Variants in ZC3H6 observed in about 807,000 individuals in gnomAD.
The protein encoded by ZC3H6 is zinc finger CCCH domain-containing protein 6.
A neutral mutation model predicts 107.7 loss-of-function variants in ZC3H6; 40 were observed. The observed-to-expected ratio is 0.37, with a 90% confidence interval of 0.29 to 0.48. The LOEUF is 0.48. ZC3H6 is among the 20% of genes least tolerant of loss of function. The pLI is 0.98. For synonymous variants in ZC3H6, 493 were observed against 487.9 expected (o/e 1.01, Z -0.14); for missense variants, 1,267 against 1,410.4 (o/e 0.90, Z 1.63).
chr2:112,312,460 A>G (rs772364868), intron 5 of ZC3H6, among the ~76,000 whole-genome samples: 10 of 152,236 alleles, frequency 6.6e-5, no homozygotes, highest in Non-Finnish European at 1.0e-4. Flanking sequence ...CTGAACATGA[A>G]CTTTTAACCT....
chr2:112,330,305 G>A (rs992321254), intron 11 of ZC3H6, among the ~76,000 whole-genome samples: 12 of 152,108 alleles, frequency 7.9e-5, no homozygotes, highest in Middle Eastern at 3.4e-3. Flanking sequence ...CGCCCACCTC[G>A]GCCTCCCAAA....
chr2:112,276,014 C>T lies in ZC3H6; in HGVS notation c.20C>T (p.Ala7Val). MTDSEH[A>V]GHDREDGELE... ...CCAAACATGACAGACTCTGAACATGCAGGGCACGACAGGTCGGGAACCCTT... is the reference window on the plus strand; with the variant it reads ...CCAAACATGACAGACTCTGAACATGTAGGGCACGACAGGTCGGGAACCCTT... Residue 7 changes from alanine to valine, a missense_variant, in exon 1 of 12, where the codon GCA (alanine) becomes GTA (valine). Transcript: ENST00000409871. The T allele has an allele frequency of 1.3e-6, 2 of 1,541,020 alleles. No homozygotes were observed. Among genetic ancestry groups the T allele is most frequent in the Non-Finnish European group, 1.7e-6 (2 of 1,142,972 alleles).
Position 112,315,242 on chromosome 2 carries a change from GTTAC to G in ZC3H6, c.748-1224_748-1221del, listed in dbSNP as rs368395810. Among the ~76,000 whole-genome samples, 360 of 152,242 alleles carry G rather than the reference GTTAC, an allele frequency of 2.4e-3. 8 individuals carry two copies. Among genetic ancestry groups the G allele is most frequent in the East Asian group, 4.4e-3 (23 of 5,188 alleles). On this transcript the variant is annotated intron_variant, in intron 5 of 11. Coordinates refer to ENST00000409871, the MANE Select transcript of ZC3H6 (RefSeq NM_198581.3). ...ATGGCTAAGCATCATACTCTGCCTT[GTTAC>G]TTAATCTTATACTTAAAGCAGAAGT...
chr2:112,311,460 C>G (rs1355793521), intron 4 of ZC3H6, among the ~76,000 whole-genome samples: 1 of 152,090 alleles, frequency 6.6e-6, no homozygotes, highest in Non-Finnish European at 1.5e-5. Context: ...CCACTGATAC[C>G]TACAATGTCT....
intron 1 of ZC3H6, among the ~76,000 whole-genome samples, chr2:112,290,402 G>A (rs1676088678): frequency 6.6e-6 from 1 of 152,242 alleles, no homozygotes; most frequent in Non-Finnish European, 1.5e-5. Context: ...GACTTCCTCA[G>A]GGAAAGCCTT....
chr2:112,291,809 C>G (rs1212983441), intron 1 of ZC3H6, among the ~76,000 whole-genome samples: 4 of 152,136 alleles, frequency 2.6e-5, no homozygotes, highest in Non-Finnish European at 4.4e-5. Context: ...ACCTCCGCCT[C>G]CCAGGTTCAA....
At chr2:112,284,682 A>G (rs1188406759) in intron 1 of ZC3H6, among the ~76,000 whole-genome samples, 1 of 152,086 alleles carries the variant, frequency 6.6e-6, no homozygotes, top group African/African-American at 2.4e-5. Context: ...TTCTTCCTCT[A>G]ACGTCTTTAT....
chr2:112,286,981 G>A (rs911849198), intron 1 of ZC3H6, among the ~76,000 whole-genome samples: 5 of 152,108 alleles, frequency 3.3e-5, no homozygotes, highest in African/African-American at 1.2e-4. Context: ...ATACTGGATT[G>A]GGATATTAGG....
In ZC3H6 at chr2:112,331,358, A is replaced by G; in HGVS notation, c.2440A>G (p.Thr814Ala). Residue 814 changes from threonine to alanine, a missense_variant, in exon 12 of 12, where the codon ACT (threonine) becomes GCT (alanine). Thr to Ala is a moderately conservative substitution (Grantham distance 58). Coordinates refer to ENST00000409871, the MANE Select transcript of ZC3H6 (RefSeq NM_198581.3). ...KFDLHHANAG[T>A]NVKHKRGDDD... is the part of the protein sequence containing the mutation. Reference sequence around the variant, plus strand: ...TGATTTGCATCATGCAAATGCTGGCACTAATGTCAAACACAAAAGAGGCGA... The same window carrying G: ...TGATTTGCATCATGCAAATGCTGGCGCTAATGTCAAACACAAAAGAGGCGA... 2 of 1,613,852 alleles carry G rather than the reference A, an allele frequency of 1.2e-6. No individual in the cohort carries two copies. The highest frequency in any genetic ancestry group is 1.3e-5 in the African/African-American group (1 of 75,054).
At chr2:112,293,654 C>G (rs1214118341) in intron 1 of ZC3H6, among the ~76,000 whole-genome samples, 1 of 152,100 alleles carries the variant, frequency 6.6e-6, no homozygotes, top group African/African-American at 2.4e-5. Flanking sequence ...AGGAGAAATA[C>G]TAGTTTGGTG....
At chr2:112,308,519 C>G (rs1167488643) in intron 3 of ZC3H6, among the ~76,000 whole-genome samples, 4 of 150,104 alleles carry the variant, frequency 2.7e-5, no homozygotes, top group African/African-American at 9.7e-5. Flanking sequence ...TTCCTTTCAC[C>G]TCCTGGATTC....
At chr2:112,321,640 A>G (rs1676803890) in intron 7 of ZC3H6, 116 bp from the exon 8 acceptor site, 1 of 557,296 alleles carries the variant, frequency 1.8e-6, no homozygotes, top group Non-Finnish European at 3.2e-6. Flanking sequence ...TATAGGTACA[A>G]TGTTACATAG....
intron 10 of ZC3H6, 116 bp downstream of exon 10, chr2:112,324,779 G>A: frequency 1.6e-6 from 2 of 1,216,462 alleles, no homozygotes; most frequent in Non-Finnish European, 2.3e-6. Flanking sequence ...TGATAAGATT[G>A]AAACCTTAAA....
chr2:112,310,729 T>A (rs762136114), intron 4 of ZC3H6, among the ~76,000 whole-genome samples: 1 of 152,216 alleles, frequency 6.6e-6, no homozygotes, highest in Non-Finnish European at 1.5e-5. Context: ...AAGCCTCAAA[T>A]CAGCCTTAAG....
Position 112,332,678 on chromosome 2 carries a change from A to G in ZC3H6, c.*190A>G. On this transcript the variant is annotated 3_prime_UTR_variant, in exon 12 of 12. Transcript: ENST00000409871. ...TTTATATAATATTTTTATAACTTTAAGAGACTGTAGTAATTGACCTAAAAA... is the reference window on the plus strand; with the variant it reads ...TTTATATAATATTTTTATAACTTTAGGAGACTGTAGTAATTGACCTAAAAA... The G allele has an allele frequency of 8.7e-6, 4 of 457,494 alleles. No individual in the cohort carries two copies. Among genetic ancestry groups the G allele is most frequent in the Non-Finnish European group, 3.6e-6 (1 of 276,452 alleles). The allele number at this position is 457,494 out of a possible 1,614,324, so 28.3% of individuals were successfully genotyped here.
At chr2:112,293,244 T>G (rs1573950461) in intron 1 of ZC3H6, among the ~76,000 whole-genome samples, 1 of 152,356 alleles carries the variant, frequency 6.6e-6, no homozygotes, top group East Asian at 1.9e-4. Context: ...GTACTAAGTC[T>G]CATTCCTGAA....
chr2:112,302,753 G>A (rs1676404212), intron 2 of ZC3H6, among the ~76,000 whole-genome samples: 1 of 152,070 alleles, frequency 6.6e-6, no homozygotes, highest in South Asian at 2.1e-4. Flanking sequence ...TTGTGGGCCA[G>A]ATTTATTTTA....
chr2:112,310,259 A>G, intron 4 of ZC3H6, 98 bp downstream of exon 4: 1 of 1,218,036 alleles, frequency 8.2e-7, no homozygotes, highest in Non-Finnish European at 1.1e-6. Context: ...GTTCAAGATT[A>G]GCTTATTCTT....
At chr2:112,307,423 A>T (rs1050937406) in intron 3 of ZC3H6, among the ~76,000 whole-genome samples, 5 of 152,088 alleles carry the variant, frequency 3.3e-5, no homozygotes, top group African/African-American at 1.2e-4. Context: ...AGCAGTTTGT[A>T]TAGCCAAATA....
Sources: gnomAD v4.1 joint callset for allele counts (sites outside exome capture counted in the v4.1 genomes callset) on GRCh38, gnomAD v4.1.1 for gene constraint, MANE v1.5 for transcripts, NCBI Gene and HGNC (gene_info 2026-07-23, HGNC 2026-07-21) for gene names.